AKAP6: variants seen among roughly 807,000 people sequenced by gnomAD.
The protein encoded by AKAP6 is A-kinase anchoring protein 6.
AKAP6 carries 58 observed loss-of-function variants against 188.5 expected under a neutral mutation model. The ratio of observed to expected loss-of-function variants is 0.31; its 90% CI spans 0.25 to 0.38. AKAP6 has a LOEUF of 0.38. Ranked by LOEUF, AKAP6 falls within the 10% of genes least tolerant of loss-of-function variation. AKAP6 has a pLI of 1.00. For synonymous variants in AKAP6, 989 were observed against 998.6 expected (o/e 0.99, Z 0.18); for missense variants, 2,710 against 2,740.0 (o/e 0.99, Z 0.24).
chr14:32,636,977 G>A (rs971761265), intron 7 of AKAP6, among the ~76,000 whole-genome samples: 1 of 152,070 alleles, frequency 6.6e-6, no homozygotes, highest in African/African-American at 2.4e-5. Flanking sequence ...AGAAGGTGGA[G>A]CCTCAAAGCA....
chr14:32,487,774 T>G (rs980723729), intron 2 of AKAP6, among the ~76,000 whole-genome samples: 2 of 152,234 alleles, frequency 1.3e-5, no homozygotes, highest in Admixed American at 6.5e-5. Flanking sequence ...TTTCTGTTTG[T>G]TAGTTTTCCT....
chr14:32,367,231 G>A (rs1253518899), intron 1 of AKAP6, among the ~76,000 whole-genome samples: 1 of 152,122 alleles, frequency 6.6e-6, no homozygotes, highest in African/African-American at 2.4e-5. Context: ...CCAAAACATA[G>A]ATCAGTGTCG....
intron 7 of AKAP6, among the ~76,000 whole-genome samples, chr14:32,625,577 T>G (rs1055865795): frequency 1.3e-5 from 2 of 152,120 alleles, no homozygotes; most frequent in African/African-American, 2.4e-5. Flanking sequence ...TGCTGTAACC[T>G]TCTTAGGATT....
chr14:32,836,255 A>G lies in AKAP6; in HGVS notation c.*6450A>G, dbSNP rs1294227069. On this transcript the variant is annotated 3_prime_UTR_variant, in exon 14 of 14. Coordinates refer to ENST00000280979, the MANE Select transcript of AKAP6 (RefSeq NM_004274.5). ...TCTGGAGACTGGGAAGTTCAAGATC[A>G]AGATGCTAGCAGATTCAGTGTCTGA... 1 of 152,332 alleles carries G rather than the reference A, an allele frequency of 6.6e-6. No homozygotes were observed. 9.4% of individuals were successfully genotyped at this position (152,332 alleles called of 1,614,324 possible). A position where few individuals can be genotyped will look rare whatever the true frequency, so the allele number is the denominator to read the frequency against.
chr14:32,442,182 A>G (rs1039696243), intron 2 of AKAP6, among the ~76,000 whole-genome samples: 32 of 152,312 alleles, frequency 2.1e-4, no homozygotes, highest in Admixed American at 5.9e-4. Context: ...CTCTGTTAGA[A>G]ATGAGGAGAC....
At chr14:32,439,097 T>G (rs1890482439) in intron 2 of AKAP6, 1 of 152,176 alleles carries the variant, frequency 6.6e-6, no homozygotes, top group Non-Finnish European at 1.5e-5. Flanking sequence ...CTTTGATTGA[T>G]TGTGACATGA....
At chr14:32,443,081 A>C (rs977364045) in intron 2 of AKAP6, among the ~76,000 whole-genome samples, 3 of 152,032 alleles carry the variant, frequency 2.0e-5, no homozygotes, top group Admixed American at 1.3e-4. Flanking sequence ...GCACAGTAGA[A>C]TCTCCTGGGA....
intron 5 of AKAP6, among the ~76,000 whole-genome samples, chr14:32,586,777 C>A (rs947210533): frequency 6.6e-6 from 1 of 152,118 alleles, no homozygotes; most frequent in Admixed American, 6.5e-5. Context: ...ATTTACATAA[C>A]CAGTTCTTTG....
chr14:32,732,565 G>A lies in AKAP6; in HGVS notation c.3112G>A (p.Val1038Met), dbSNP rs2031228586. ...ACTACCAAATGATCTCCTTGAAAAA[G>A]TGGATTCAATTAATGAAAAATGGGA... The part of the protein sequence containing the change: ...VLLPNDLLEK[V>M]DSINEKWELL... Residue 1038 changes from valine to methionine, a missense_variant, in exon 10 of 14, where the codon GTG (valine) becomes ATG (methionine). Around this residue, in one of 2 missense-constraint regions of AKAP6, gnomAD observed 2,473 missense variants for 2,426.1 expected, o/e 1.02. Coordinates refer to ENST00000280979, the MANE Select transcript of AKAP6 (RefSeq NM_004274.5). 2 of 1,613,482 alleles carry A rather than the reference G, an allele frequency of 1.2e-6. No individual in the cohort carries two copies.
chr14:32,829,685 C>T lies in AKAP6; in HGVS notation c.*43-163C>T, dbSNP rs148124608. Among the ~76,000 whole-genome samples the T allele has an allele frequency of 7.5e-3, 1,137 of 151,142 alleles. 6 individuals are homozygous for T. The highest frequency in any genetic ancestry group is 0.012 in the Admixed American group (181 of 15,216). ...GACTTTTTTTGTCAGTAATGTGAAGCTTGGGCTATTAAAATTATTTATATT... is the reference window on the plus strand; with the variant it reads ...GACTTTTTTTGTCAGTAATGTGAAGTTTGGGCTATTAAAATTATTTATATT... On this transcript the variant is annotated intron_variant, in intron 13 of 13. Coordinates refer to ENST00000280979, the MANE Select transcript of AKAP6 (RefSeq NM_004274.5).
At chr14:32,531,009 G>C (rs1192281350) in intron 2 of AKAP6, among the ~76,000 whole-genome samples, 2 of 152,174 alleles carry the variant, frequency 1.3e-5, no homozygotes, top group Non-Finnish European at 2.9e-5. Context: ...GAAGATTCCT[G>C]TCTCATTGAC....
intron 1 of AKAP6, among the ~76,000 whole-genome samples, chr14:32,409,916 A>T (rs1319863392): frequency 1.3e-5 from 2 of 152,076 alleles, no homozygotes; most frequent in Non-Finnish European, 2.9e-5. Flanking sequence ...CTACCTAAGG[A>T]ACCTAGGGAG....
At chr14:32,343,636 T>G (rs10140077) in intron 1 of AKAP6, among the ~76,000 whole-genome samples, 32,026 of 149,690 alleles carry the variant, frequency 0.21, 3,747 homozygotes, top group East Asian at 0.4. Context: ...TAGTCCCAGC[T>G]ACTCGGGAGG....
At chr14:32,604,807 C>T (rs1036262583) in intron 7 of AKAP6, among the ~76,000 whole-genome samples, 4 of 152,188 alleles carry the variant, frequency 2.6e-5, no homozygotes, top group African/African-American at 9.7e-5. Flanking sequence ...AGTAAATATA[C>T]AAGACTTCAT....
chr14:32,727,687 T>G (rs751968843), intron 9 of AKAP6, among the ~76,000 whole-genome samples: 12 of 152,196 alleles, frequency 7.9e-5, no homozygotes, highest in Admixed American at 1.3e-4. Flanking sequence ...ACATTGCACT[T>G]TTTAATTTTT....
intron 3 of AKAP6, among the ~76,000 whole-genome samples, chr14:32,541,356 A>C (rs1882948019): frequency 6.6e-6 from 1 of 151,444 alleles, no homozygotes; most frequent in African/African-American, 2.4e-5. Flanking sequence ...TATATTCAAT[A>C]TATTCATGTA....
chr14:32,448,454 C>T (rs925767940), intron 2 of AKAP6, among the ~76,000 whole-genome samples: 1 of 152,198 alleles, frequency 6.6e-6, no homozygotes, highest in East Asian at 1.9e-4. Flanking sequence ...CCTCAAAGCA[C>T]ATGAATTATC....
At chr14:32,758,863 G>A (rs899833548) in intron 11 of AKAP6, among the ~76,000 whole-genome samples, 6 of 152,122 alleles carry the variant, frequency 3.9e-5, no homozygotes, top group African/African-American at 1.4e-4. Context: ...AACAGACCAA[G>A]GCTCCTCTGG....
intron 3 of AKAP6, among the ~76,000 whole-genome samples, chr14:32,540,192 A>ATATATATTTTTTTT (rs1406480125): frequency 2.0e-4 from 25 of 123,406 alleles, no homozygotes; most frequent in Non-Finnish European, 2.9e-4. Context: ...ATATATATAT[A>ATATATATTTTTTTT]TTTTAATTTT....
Sources: gnomAD v4.1 joint callset for allele counts (sites outside exome capture counted in the v4.1 genomes callset) on GRCh38, gnomAD v4.1.1 for gene constraint, gnomAD v4.1.1 regional missense constraint, MANE v1.5 for transcripts, NCBI Gene and HGNC (gene_info 2026-07-23, HGNC 2026-07-21) for gene names.